CSMD1: variants seen among roughly 807,000 people sequenced by gnomAD.
CSMD1 encodes CUB and Sushi multiple domains 1.
A neutral mutation model predicts 417.5 loss-of-function variants in CSMD1; 213 were observed. The observed-to-expected ratio is 0.51, with a 90% CI of 0.46 to 0.57. CSMD1 has a LOEUF of 0.57. Among genes scored for constraint, CSMD1 ranks in the 20% least tolerant of loss-of-function variants. CSMD1 has a pLI of 0.00. For synonymous variants in CSMD1, 2,862 were observed against 1,736.8 expected, an observed-to-expected ratio of 1.65 and a Z score of -16.11; for missense variants, 6,923 against 4,529.7, an observed-to-expected ratio of 1.53 and a Z score of -15.17.
At chr8:3,462,050 T>C (rs987123614) in intron 12 of CSMD1, among the ~76,000 whole-genome samples, 2 of 152,080 alleles carry the variant, frequency 1.3e-5, no homozygotes, top group African/African-American at 2.4e-5. Context: ...AGATGGAGAA[T>C]ACTGACCAGT....
At chr8:3,410,529 G>A (rs565533449) in intron 12 of CSMD1, among the ~76,000 whole-genome samples, 18 of 152,140 alleles carry the variant, frequency 1.2e-4, no homozygotes, top group African/African-American at 3.9e-4. Flanking sequence ...GAGTTGCCCT[G>A]CACAAGCTTT....
chr8:3,182,534 C>G (rs1231177526), intron 36 of CSMD1, among the ~76,000 whole-genome samples: 1 of 150,700 alleles, frequency 6.6e-6, no homozygotes, highest in Non-Finnish European at 1.5e-5. Flanking sequence ...TTTGATCAGA[C>G]CAATAACCCC....
intron 3 of CSMD1, among the ~76,000 whole-genome samples, chr8:4,115,409 C>A (rs565934854): frequency 6.6e-6 from 1 of 152,236 alleles, no homozygotes; most frequent in East Asian, 1.9e-4. Flanking sequence ...CCAACATATT[C>A]CTATGATTCA....
At chr8:2,998,764 CCAGATAACAGCAAGA>C (rs1437121482) in intron 53 of CSMD1, among the ~76,000 whole-genome samples, 2 of 152,144 alleles carry the variant, frequency 1.3e-5, no homozygotes, top group Non-Finnish European at 2.9e-5. Context: ...ATGTCATGCC[CCAGATAACAGCAAGA>C]CAGATCAGGG....
At chr8:4,033,696 A>T (rs1743345036) in intron 3 of CSMD1, among the ~76,000 whole-genome samples, 1 of 152,156 alleles carries the variant, frequency 6.6e-6, no homozygotes, top group Non-Finnish European at 1.5e-5. Flanking sequence ...AATCTCTTCA[A>T]ATATTTTACA....
intron 1 of CSMD1, among the ~76,000 whole-genome samples, chr8:4,645,521 G>T (rs1014153108): frequency 7.4e-6 from 1 of 134,342 alleles, no homozygotes; most frequent in Non-Finnish European, 1.5e-5. Context: ...TGATTAATTT[G>T]CTGCATGGAG....
rs1017074984 is a variant in CSMD1, at chr8:4,933,625, C to T, written c.85+60707G>A. On this transcript the variant is annotated intron_variant, in intron 1 of 69. Coordinates refer to ENST00000635120, the MANE Select transcript of CSMD1 (RefSeq NM_033225.6). ...GCACCAAGTGCAGACCCCACAACCA[C>T]AATGTACTTTCCGAATGCCTGTCAA... 1.8e-4 allele frequency among the ~76,000 whole-genome samples: 27 copies of T among 152,154 alleles called. 1 individual carries two copies. In the East Asian group the frequency reaches 4.3e-3, roughly 24 times the overall value.
At chr8:4,325,189 C>G (rs1563056790) in intron 3 of CSMD1, among the ~76,000 whole-genome samples, 1 of 152,174 alleles carries the variant, frequency 6.6e-6, no homozygotes, top group African/African-American at 2.4e-5. Flanking sequence ...ACAAAGGAAA[C>G]TGTCATGAAA....
intron 2 of CSMD1, among the ~76,000 whole-genome samples, chr8:4,496,797 T>C (rs1360671399): frequency 6.6e-6 from 1 of 152,194 alleles, no homozygotes; most frequent in Non-Finnish European, 1.5e-5. Flanking sequence ...TGAGACATCC[T>C]GAGACATGGA....
intron 3 of CSMD1, among the ~76,000 whole-genome samples, chr8:4,257,760 G>A (rs1322915316): frequency 6.6e-6 from 1 of 152,162 alleles, no homozygotes; most frequent in African/African-American, 2.4e-5. Context: ...TTAGGCCAAG[G>A]ATAAAACAGC....
intron 25 of CSMD1, among the ~76,000 whole-genome samples, chr8:3,304,966 A>G (rs1804711600): frequency 6.6e-6 from 1 of 152,224 alleles, no homozygotes; most frequent in South Asian, 2.1e-4. Context: ...ACTTTTCAAA[A>G]TCAAAGCCAT....
intron 2 of CSMD1, among the ~76,000 whole-genome samples, chr8:4,606,992 T>C (rs887985268): frequency 6.6e-6 from 1 of 152,228 alleles, no homozygotes; most frequent in African/African-American, 2.4e-5. Flanking sequence ...AATTTTTTCA[T>C]GTGGCACCAT....
chr8:4,231,161 G>T (rs889460592), intron 3 of CSMD1, among the ~76,000 whole-genome samples: 1 of 152,178 alleles, frequency 6.6e-6, no homozygotes, highest in African/African-American at 2.4e-5. Flanking sequence ...TATTGATATA[G>T]TGAAATGTTT....
chr8:4,151,218 C>G (rs1234783779), intron 3 of CSMD1, among the ~76,000 whole-genome samples: 1 of 152,122 alleles, frequency 6.6e-6, no homozygotes, highest in Non-Finnish European at 1.5e-5. Context: ...CTTGTAATAT[C>G]AAGTATAAAT....
chr8:4,581,121 C>T (rs889982281), intron 2 of CSMD1, among the ~76,000 whole-genome samples: 7 of 151,964 alleles, frequency 4.6e-5, no homozygotes, highest in East Asian at 1.9e-4. Context: ...TGAAAATGAA[C>T]GGTAGAAAGA....
At chr8:3,899,622 G>A (rs913120693) in intron 5 of CSMD1, among the ~76,000 whole-genome samples, 6 of 152,184 alleles carry the variant, frequency 3.9e-5, no homozygotes, top group African/African-American at 1.4e-4. Flanking sequence ...AGTATGTAGT[G>A]AGAGGAAAAG....
At chr8:4,475,039 T>C (rs2130082084) in intron 2 of CSMD1, among the ~76,000 whole-genome samples, 1 of 152,238 alleles carries the variant, frequency 6.6e-6, no homozygotes, top group South Asian at 2.1e-4. Flanking sequence ...GCATAAGGGG[T>C]CAGTGTCCTA....
At chr8:4,673,155 G>A (rs139430501) in intron 1 of CSMD1, among the ~76,000 whole-genome samples, 1 of 152,092 alleles carries the variant, frequency 6.6e-6, no homozygotes, top group Non-Finnish European at 1.5e-5. Flanking sequence ...GGGAAAAAGG[G>A]ATTCTATGGA....
chr8:4,394,994 A>C (rs1462069854), intron 3 of CSMD1, among the ~76,000 whole-genome samples: 1 of 152,192 alleles, frequency 6.6e-6, no homozygotes, highest in Non-Finnish European at 1.5e-5. Flanking sequence ...GGGAAGAGGC[A>C]CAGCAGAGGA....
Sources: gnomAD v4.1 joint callset for allele counts (sites outside exome capture counted in the v4.1 genomes callset) on GRCh38, gnomAD v4.1.1 for gene constraint, MANE v1.5 for transcripts, NCBI Gene and HGNC (gene_info 2026-07-23, HGNC 2026-07-21) for gene names.